The following MLH3 variants were observed in gnomAD, a reference collection of about 807,000 sequenced individuals.
MLH3 encodes mutL homolog 3, also known as DNA mismatch repair protein Mlh3.
In MLH3, 82 loss-of-function variants were observed where a neutral mutation model predicts 122.2. The ratio of observed to expected loss-of-function variants is 0.67; its 90% CI spans 0.56 to 0.81. The LOEUF (loss-of-function observed/expected upper bound fraction) is 0.81, where lower values mean the gene tolerates loss of function less well. MLH3 is among the 30% of genes least tolerant of loss of function. MLH3 has a pLI of 0.00. For synonymous variants in MLH3, 524 were observed against 599.5 expected (o/e 0.87, Z 1.84); for missense variants, 1,539 against 1,714.5 (o/e 0.90, Z 1.81).
At chr14:75,019,894 T>C (rs763857014) in intron 11 of MLH3, among the ~76,000 whole-genome samples, 4 of 152,066 alleles carry the variant, frequency 2.6e-5, no homozygotes, top group Admixed American at 2.6e-4. Context: ...TATGGTCTAA[T>C]AGGGGAGACA....
Position 75,046,393 on chromosome 14 carries a change from T to G in MLH3, c.3263A>C (p.Asp1088Ala). 6.2e-7 allele frequency: 1 copy of G among 1,614,166 alleles called. No homozygotes were observed. The highest frequency in any genetic ancestry group is 8.5e-7 in the Non-Finnish European group (1 of 1,180,014). ...CTKDLTTVAV[D>A]VVLENGSQYR... ...GTACTTACCATTCTCAAGTACAACA[T>G]CCACAGCCACAGTTGTCAGGTCTTT... Residue 1088 changes from aspartate to alanine, a missense_variant, in exon 2 of 13, where the codon GAT becomes GCT. By Grantham distance (126) the Asp-to-Ala change is moderately radical (BLOSUM62 -2). Transcript: ENST00000355774.
chr14:75,037,712 G>GGAGGCA lies in MLH3; in HGVS notation c.3643+622_3643+627dup, dbSNP rs549579672. ...TTACACCTGTAATCCCAGCTGTTAG[G>GGAGGCA]GAGGCAGAGGTGGAAGGATAGCTTA... On this transcript the variant is annotated intron_variant, in intron 6 of 12. Coordinates refer to ENST00000355774, the MANE Select transcript of MLH3 (RefSeq NM_001040108.2). Among the ~76,000 whole-genome samples the GGAGGCA allele has an allele frequency of 1.6e-4, 24 of 152,138 alleles. No individual in the cohort carries two copies. In the South Asian group the frequency reaches 3.7e-3, roughly 24 times the overall value.
At position 75,042,456 on chromosome 14, in the gene MLH3, G is replaced by T. The variant is rs1438701197; in HGVS notation, c.3302C>A (p.Pro1101His). 1 of 1,613,858 alleles carries T rather than the reference G, an allele frequency of 6.2e-7. No individual in the cohort carries two copies. The highest frequency in any genetic ancestry group is 1.1e-5 in the South Asian group (1 of 91,082). The change falls in exon 3 of 13, where the codon CCT becomes CAT. Residue 1101 changes from proline (P) to histidine (H), a missense_variant. Transcript: ENST00000355774. ...AGGAAGAACAAGGTCGCTTCTAAAA[G>T]GTTGACACCTGTACTGAGACCCTAA... ...LENGSQYRCQ[P>H]FRSDLVLPFL...
intron 11 of MLH3, among the ~76,000 whole-genome samples, chr14:75,020,251 G>A (rs1454470856): frequency 6.6e-6 from 1 of 152,184 alleles, no homozygotes; most frequent in Non-Finnish European, 1.5e-5. Flanking sequence ...GCCAAATCAC[G>A]AAGACCCTTG....
rs1261948603 is a variant in MLH3 at position 75,016,507 on chromosome 14, C to G, written c.*575G>C. On this transcript the variant is annotated 3_prime_UTR_variant, in exon 13 of 13. Transcript: ENST00000355774. ...TCAATAGTTTTTATCCCTAAAATAA[C>G]TAAAGGCCTGATGAAAGACCCTAGA... is the stretch of plus-strand genomic sequence containing the variant. The G allele has an allele frequency of 5.4e-5, 10 of 186,454 alleles. No individual in the cohort carries two copies. The highest frequency in any genetic ancestry group is 1.0e-4 in the Non-Finnish European group (9 of 88,120). 11.5% of individuals were successfully genotyped at this position (186,454 alleles called of 1,614,324 possible).
chr14:75,032,062 A>T lies in MLH3; in HGVS notation c.3827+6T>A, dbSNP rs1274553414. ...ATCAACATCACATTCTCATGGTGGT[A>T]CTGACCATAAGAGTCTCCTTTGTTC... On this transcript the variant is annotated splice_donor_region_variant and intron_variant, in intron 8 of 12. Coordinates refer to ENST00000355774, the MANE Select transcript of MLH3 (RefSeq NM_001040108.2). The T allele has an allele frequency of 2.7e-6, 4 of 1,463,408 alleles. No individual in the cohort carries two copies. The South Asian group carries it at 4.5e-5, about 17-fold the overall frequency. 90.7% of individuals were successfully genotyped at this position (1,463,408 alleles called of 1,614,324 possible). A position where few individuals can be genotyped will look rare whatever the true frequency, so the allele number is the denominator to read the frequency against.
At position 75,049,689 on chromosome 14, in the gene MLH3, T is replaced by G. The variant is rs1316982611; in HGVS notation, c.-34A>C. Reference sequence around the variant, plus strand: ...GAAAGATGGTGAGAATGCCAGGCACTGGTTTCCTTCTCTGACTGGAAATAA... The same window carrying G: ...GAAAGATGGTGAGAATGCCAGGCACGGGTTTCCTTCTCTGACTGGAAATAA... On this transcript the variant is annotated 5_prime_UTR_variant, in exon 2 of 13. Coordinates refer to ENST00000355774, the MANE Select transcript of MLH3 (RefSeq NM_001040108.2). The G allele has an allele frequency of 6.2e-7, 1 of 1,602,740 alleles. No homozygotes were observed. The highest frequency in any genetic ancestry group is 8.5e-7 in the Non-Finnish European group (1 of 1,173,382).
At chr14:75,031,989 A>G in intron 8 of MLH3, 79 bp downstream of exon 8, 2 of 975,748 alleles carry the variant, frequency 2.0e-6, no homozygotes, top group Admixed American at 3.6e-5. Context: ...GAGAAATGGA[A>G]CAATAGTTAT....
At chr14:75,044,746 A>C (rs1461519834) in intron 2 of MLH3, among the ~76,000 whole-genome samples, 1 of 152,228 alleles carries the variant, frequency 6.6e-6, no homozygotes, top group Non-Finnish European at 1.5e-5. Context: ...AACCTTAAAG[A>C]AACCACAGCT....
Position 75,034,405 on chromosome 14 carries a change from C to T in MLH3, c.3644-915G>A, listed in dbSNP as rs114181592. On this transcript the variant is annotated intron_variant, in intron 6 of 12. Transcript: ENST00000355774. The stretch of plus-strand genomic sequence containing the variant: ...TTCCAGTGCACTTTAGATCACAAGC[C>T]GGAGAACGTTTTCTGAAGGGCCAGA... 1.1e-3 allele frequency among the ~76,000 whole-genome samples: 171 copies of T among 152,184 alleles called. 1 individual carries two copies. The highest frequency in any genetic ancestry group is 3.9e-3 in the African/African-American group (162 of 41,506).
chr14:75,049,834 C>A, intron 1 of MLH3, 116 bp from the exon 2 acceptor site: 1 of 678,474 alleles, frequency 1.5e-6, no homozygotes, highest in South Asian at 1.8e-5. Flanking sequence ...AATTGTGAAA[C>A]AAAGCAAAAC....
chr14:75,042,235 C>G (rs1205127961), intron 3 of MLH3, 144 bp downstream of exon 3: 1 of 750,236 alleles, frequency 1.3e-6, no homozygotes, highest in Non-Finnish European at 2.4e-6. Context: ...TTAATTAGTT[C>G]CGCTGTTAAA....
Position 75,022,993 on chromosome 14 carries a change from A to G in MLH3, c.4011+2T>C. ...AAACCCCAAAATAAAGGAAAAGCTT[A>G]CCTCCAGTTGTTCTCGGATAAATTC... is the stretch of plus-strand genomic sequence containing the variant. On this transcript the variant is annotated splice_donor_variant, in intron 10 of 12. Coordinates refer to ENST00000355774, the MANE Select transcript of MLH3 (RefSeq NM_001040108.2). LOFTEE classifies it high-confidence loss of function. 6.2e-7 allele frequency: 1 copy of G among 1,614,200 alleles called. No individual in the cohort carries two copies. Among genetic ancestry groups the G allele is most frequent in the Non-Finnish European group, 8.5e-7 (1 of 1,180,022 alleles).
At position 75,039,961 on chromosome 14, in the gene MLH3, T is replaced by C; in HGVS notation, c.3520A>G (p.Asn1174Asp). The C allele has an allele frequency of 6.2e-7, 1 of 1,600,918 alleles. No homozygotes were observed. The highest frequency in any genetic ancestry group is 2.3e-5 in the East Asian group (1 of 43,824). The change falls in exon 5 of 13, where the codon AAC (asparagine) becomes GAC (aspartate). Residue 1174 changes from asparagine to aspartate, a missense_variant. Coordinates refer to ENST00000355774, the MANE Select transcript of MLH3 (RefSeq NM_001040108.2). ...GTGAAACGATAGGGATACAAGATGTTGTGAATTTTAACTGCTAAGCTCTCA... is the reference window on the plus strand; with the variant it reads ...GTGAAACGATAGGGATACAAGATGTCGTGAATTTTAACTGCTAAGCTCTCA... Reference protein sequence around the residue: ...QAESLAVKIHNILYPYRFTKG... With the variant: ...QAESLAVKIHDILYPYRFTKG...
Position 75,016,816 on chromosome 14 carries a change from T to C in MLH3, c.*266A>G. ...TCATTAAATTTTATCATTAAATAAG[T>C]AGCAAAAGGTAGATACTATATAGCA... On this transcript the variant is annotated 3_prime_UTR_variant, in exon 13 of 13. Transcript: ENST00000355774. 1 of 387,224 alleles carries C rather than the reference T, an allele frequency of 2.6e-6. No homozygotes were observed. Among genetic ancestry groups the C allele is most frequent in the Non-Finnish European group, 4.8e-6 (1 of 207,960 alleles). 24.0% of individuals were successfully genotyped at this position (387,224 alleles called of 1,614,324 possible).
chr14:75,042,555 C>T, intron 2 of MLH3, 78 bp from the exon 3 acceptor site: 1 of 1,063,934 alleles, frequency 9.4e-7, no homozygotes, highest in Non-Finnish European at 1.4e-6. Flanking sequence ...TCACATAAAA[C>T]CTCTTTCTGC....
At chr14:75,024,541 G>A (rs941343518) in intron 9 of MLH3, among the ~76,000 whole-genome samples, 4 of 144,260 alleles carry the variant, frequency 2.8e-5, no homozygotes, top group African/African-American at 1.0e-4. Flanking sequence ...ACGTAGTCTC[G>A]TTGTTGCCCA....
chr14:75,042,525 T>A, intron 2 of MLH3, 48 bp from the exon 3 acceptor site: 1 of 1,425,864 alleles, frequency 7.0e-7, no homozygotes, highest in Non-Finnish European at 9.9e-7. Context: ...AAAATACAAG[T>A]AAACTCTTTA....
chr14:75,013,882 G>A lies in MLH3; in HGVS notation c.*3200C>T, dbSNP rs953912681. 4.7e-6 allele frequency: 1 copy of A among 215,022 alleles called. No homozygotes were observed. The highest frequency in any genetic ancestry group is 2.3e-5 in the African/African-American group (1 of 44,324). The allele number at this position is 215,022 out of a possible 1,614,324, so 13.3% of individuals were successfully genotyped here. ...ACCTTTTTGCCATCTCACCGTTGAT[G>A]AGCAGCTTCAGCTTAGAGGGTAAAG... On this transcript the variant is annotated 3_prime_UTR_variant, in exon 13 of 13. Transcript: ENST00000355774.
Sources: gnomAD v4.1 joint callset for allele counts (sites outside exome capture counted in the v4.1 genomes callset) on GRCh38, gnomAD v4.1.1 for gene constraint, MANE v1.5 for transcripts, NCBI Gene and HGNC (gene_info 2026-07-23, HGNC 2026-07-21) for gene names.